The following TTC28 variants were observed in gnomAD, a reference collection of about 807,000 sequenced individuals.
TTC28 encodes tetratricopeptide repeat protein 28.
A neutral mutation model predicts 198.0 loss-of-function variants in TTC28; 61 were observed. That is an observed-to-expected ratio of 0.31 (90% confidence interval 0.25 to 0.38). The LOEUF is 0.38. TTC28 is among the 10% of genes least tolerant of loss of function. The pLI is 1.00. For missense variants in TTC28, 2,678 were observed against 3,164.0 expected (o/e 0.85, Z 3.69); for synonymous variants, 1,171 against 1,297.8 (o/e 0.90, Z 2.10).
chr22:28,349,566 G>A (rs2045961684), intron 2 of TTC28, among the ~76,000 whole-genome samples: 1 of 152,144 alleles, frequency 6.6e-6, no homozygotes, highest in Non-Finnish European at 1.5e-5. Context: ...GAGCCAAGAG[G>A]CTTGAGTTCC....
At chr22:28,424,046 T>G in intron 2 of TTC28, among the ~76,000 whole-genome samples, 1 of 152,180 alleles carries the variant, frequency 6.6e-6, no homozygotes, top group East Asian at 1.9e-4. Context: ...ATTTTCCTGA[T>G]TTATCATTTT....
chr22:28,097,132 C>T (rs1365362378), intron 10 of TTC28, among the ~76,000 whole-genome samples: 2 of 152,160 alleles, frequency 1.3e-5, no homozygotes, highest in African/African-American at 2.4e-5. Flanking sequence ...TAACATTGTC[C>T]AGCCTTATGC....
intron 12 of TTC28, among the ~76,000 whole-genome samples, chr22:28,035,630 A>T (rs1250834921): frequency 1.3e-5 from 2 of 152,194 alleles, no homozygotes; most frequent in Non-Finnish European, 2.9e-5. Flanking sequence ...ATACCTGAAA[A>T]GGCCCACCCA....
intron 12 of TTC28, among the ~76,000 whole-genome samples, chr22:28,067,698 G>A (rs1940815777): frequency 6.6e-6 from 1 of 152,112 alleles, no homozygotes; most frequent in African/African-American, 2.4e-5. Context: ...TGAATAAATG[G>A]GTTAAAAATG....
rs925022404 is a variant in TTC28 at position 28,309,117 on chromosome 22, C to T, written c.382-2474G>A. On this transcript the variant is annotated intron_variant, in intron 2 of 22. Coordinates refer to ENST00000397906, the MANE Select transcript of TTC28 (RefSeq NM_001145418.2). The stretch of plus-strand genomic sequence containing the variant: ...GAAATAGAATAAAGAGAATCCAGTA[C>T]AGTACTTGGCAAAGAGTTAAGCACC... 7.2e-5 allele frequency among the ~76,000 whole-genome samples: 11 copies of T among 152,250 alleles called. No homozygotes were observed. In the South Asian group the frequency reaches 2.3e-3, roughly 32 times the overall value.
chr22:28,031,458 A>C (rs1479272136), intron 12 of TTC28, among the ~76,000 whole-genome samples: 1 of 152,236 alleles, frequency 6.6e-6, no homozygotes, highest in Non-Finnish European at 1.5e-5. Flanking sequence ...TGCAGGCAGC[A>C]GACAGAGTCG....
chr22:28,373,697 T>A (rs186620395), intron 2 of TTC28, among the ~76,000 whole-genome samples: 55 of 152,280 alleles, frequency 3.6e-4, no homozygotes, highest in African/African-American at 1.3e-3. Context: ...CTATACGAAG[T>A]TTACAGAGTG....
intron 2 of TTC28, among the ~76,000 whole-genome samples, chr22:28,470,585 T>G (rs1185613434): frequency 6.6e-6 from 1 of 152,216 alleles, no homozygotes; most frequent in Non-Finnish European, 1.5e-5. Flanking sequence ...TGCCCTGTCT[T>G]AAAGTGTAAC....
chr22:28,124,202 G>GT (rs1320575448), intron 6 of TTC28, among the ~76,000 whole-genome samples: 2 of 135,894 alleles, frequency 1.5e-5, no homozygotes, highest in East Asian at 2.2e-4. Context: ...GTTGTTGTTT[G>GT]TTTTTTGTTT....
At chr22:28,313,406 C>A (rs1299481429) in intron 2 of TTC28, among the ~76,000 whole-genome samples, 3 of 151,922 alleles carry the variant, frequency 2.0e-5, no homozygotes, top group Non-Finnish European at 4.4e-5. Flanking sequence ...GAGACACACA[C>A]AAAAAAAGAG....
At chr22:28,138,415 T>C (rs1178013076) in intron 6 of TTC28, among the ~76,000 whole-genome samples, 1 of 152,172 alleles carries the variant, frequency 6.6e-6, no homozygotes, top group Non-Finnish European at 1.5e-5. Flanking sequence ...TAAGCAAATG[T>C]TTACAAGTAT....
intron 5 of TTC28, among the ~76,000 whole-genome samples, chr22:28,168,498 A>G (rs1922279860): frequency 6.6e-6 from 1 of 152,202 alleles, no homozygotes; most frequent in African/African-American, 2.4e-5. Flanking sequence ...AACAGAACAG[A>G]GCCCTCAGAA....
intron 2 of TTC28, among the ~76,000 whole-genome samples, chr22:28,495,382 C>T (rs143466877): frequency 6.6e-6 from 1 of 152,236 alleles, no homozygotes; most frequent in East Asian, 1.9e-4. Context: ...GAATTCTCAA[C>T]AGCAAAAAGA....
chr22:27,985,004 C>T (rs1212664081), intron 22 of TTC28, among the ~76,000 whole-genome samples: 1 of 152,224 alleles, frequency 6.6e-6, no homozygotes, highest in African/African-American at 2.4e-5. Flanking sequence ...TCTGCCACCA[C>T]CCTCTCACTT....
intron 13 of TTC28, among the ~76,000 whole-genome samples, chr22:28,027,125 A>T (rs1383068645): frequency 6.6e-6 from 1 of 151,908 alleles, no homozygotes; most frequent in Non-Finnish European, 1.5e-5. Context: ...CACAAATACA[A>T]CCCTGCACAT....
At chr22:28,080,627 A>C (rs185404519) in intron 12 of TTC28, among the ~76,000 whole-genome samples, 51 of 152,260 alleles carry the variant, frequency 3.3e-4, no homozygotes, top group Non-Finnish European at 6.9e-4. Context: ...TCTCCCATTC[A>C]TAGGCTGCCT....
chr22:28,536,295 A>G (rs1169880246), intron 2 of TTC28, among the ~76,000 whole-genome samples: 1 of 151,948 alleles, frequency 6.6e-6, no homozygotes, highest in Admixed American at 6.6e-5. Flanking sequence ...AGTTGGCAAA[A>G]AAAGTACAAG....
chr22:28,661,763 C>T (rs1355570671), intron 1 of TTC28, among the ~76,000 whole-genome samples: 2 of 152,140 alleles, frequency 1.3e-5, no homozygotes, highest in Admixed American at 6.5e-5. Flanking sequence ...GGCATCACCA[C>T]ACCCAGCTAA....
intron 1 of TTC28, among the ~76,000 whole-genome samples, chr22:28,669,671 T>C (rs932640337): frequency 1.3e-5 from 2 of 152,202 alleles, no homozygotes. Flanking sequence ...AATGTTAAGT[T>C]ACTTATAATC....
Sources: gnomAD v4.1 joint callset for allele counts (sites outside exome capture counted in the v4.1 genomes callset) on GRCh38, gnomAD v4.1.1 for gene constraint, MANE v1.5 for transcripts, NCBI Gene and HGNC (gene_info 2026-07-23, HGNC 2026-07-21) for gene names.